PAM: variants seen among roughly 807,000 people sequenced by gnomAD.
PAM encodes peptidylglycine alpha-amidating monooxygenase.
PAM carries 72 observed loss-of-function variants against 122.1 expected under a neutral mutation model. That is an observed-to-expected ratio of 0.59 (90% CI 0.49 to 0.72). The LOEUF is 0.72. Among genes scored for constraint, PAM ranks in the 30% least tolerant of loss-of-function variants. PAM has a pLI of 0.00. For synonymous variants in PAM, 389 were observed against 404.4 expected, an observed-to-expected ratio of 0.96 and a Z score of 0.46; for missense variants, 1,106 against 1,183.7, an observed-to-expected ratio of 0.93 and a Z score of 0.96.
chr5:102,780,751 TTC>T (rs1184517447), intron 1 of PAM, among the ~76,000 whole-genome samples: 7 of 140,024 alleles, frequency 5.0e-5, no homozygotes, highest in East Asian at 2.4e-4. Flanking sequence ...TTTTCTTTCT[TTC>T]TCTTTCTTTC....
chr5:103,007,653 A>G lies in PAM; in HGVS notation c.2211A>G (p.Ile737Met), dbSNP rs555031278. ...FGRNVFAISY[I>M]PGLLFAVNGK... ...GAAATGTATTTGCAATTTCATATAT[A>G]CCAGGTATTTCATCTTAATATGTTT... The change falls in exon 20 of 26, where the codon ATA (isoleucine) becomes ATG (methionine). Residue 737 changes from isoleucine (I) to methionine (M), a missense_variant. Transcript: ENST00000438793. 103 of 1,563,282 alleles carry G rather than the reference A, an allele frequency of 6.6e-5. No individual in the cohort carries two copies. In the South Asian group the frequency reaches 1.0e-3, roughly 16 times the overall value.
At chr5:102,793,344 G>A (rs374020008) in intron 1 of PAM, among the ~76,000 whole-genome samples, 28 of 151,208 alleles carry the variant, frequency 1.9e-4, no homozygotes, top group African/African-American at 6.1e-4. Flanking sequence ...GGCAACATAG[G>A]GAGACCCCTG....
At chr5:102,900,548 G>T (rs1797517743) in intron 3 of PAM, among the ~76,000 whole-genome samples, 1 of 151,480 alleles carries the variant, frequency 6.6e-6, no homozygotes, top group Admixed American at 6.6e-5. Context: ...AATGCCAAAT[G>T]ATTTCTATCC....
chr5:102,949,787 G>T, intron 10 of PAM, 115 bp from the exon 11 acceptor site: 1 of 701,166 alleles, frequency 1.4e-6, no homozygotes, highest in Non-Finnish European at 2.5e-6. Flanking sequence ...AAGATACTCA[G>T]TCTTTGCAGC....
chr5:102,878,312 C>G (rs1345264003), intron 3 of PAM, among the ~76,000 whole-genome samples: 1 of 152,104 alleles, frequency 6.6e-6, no homozygotes, highest in African/African-American at 2.4e-5. Context: ...TTCATAACTT[C>G]ATCAGGAACA....
chr5:102,967,970 G>A (rs899014114), intron 14 of PAM, among the ~76,000 whole-genome samples: 3 of 152,088 alleles, frequency 2.0e-5, no homozygotes, highest in Admixed American at 2.0e-4. Context: ...TGATAGGCCT[G>A]TCTTGGCTTC....
rs144192480 is a variant in PAM, at chr5:102,946,934, C to T, written c.575+49C>T. ...AGGAGCAGCAACTTTAACATCTTTG[C>T]GAACTTAGAGTGGGAAGTTTACTGT... is the stretch of plus-strand genomic sequence containing the variant. On this transcript the variant is annotated intron_variant, in intron 8 of 25. Coordinates refer to ENST00000438793, the MANE Select transcript of PAM (RefSeq NM_001177306.2). The T allele has an allele frequency of 1.6e-4, 193 of 1,237,142 alleles. No individual in the cohort carries two copies. The African/African-American group carries it at 2.4e-3, about 15-fold the overall frequency. The allele number at this position is 1,237,142 out of a possible 1,614,324, so 76.6% of individuals were successfully genotyped here. A position where few individuals can be genotyped will look rare whatever the true frequency, so the allele number is the denominator to read the frequency against.
chr5:102,830,025 G>A (rs150649928), intron 1 of PAM, among the ~76,000 whole-genome samples: 2 of 152,256 alleles, frequency 1.3e-5, no homozygotes, highest in African/African-American at 4.8e-5. Context: ...CTAGCAACAC[G>A]TATAGATGTT....
At chr5:102,790,583 G>A (rs1761793415) in intron 1 of PAM, among the ~76,000 whole-genome samples, 1 of 151,994 alleles carries the variant, frequency 6.6e-6, no homozygotes, top group Non-Finnish European at 1.5e-5. Context: ...TTCTTCATAT[G>A]GTATTAGGTT....
chr5:102,763,045 C>T (rs1433680672), intron 1 of PAM, among the ~76,000 whole-genome samples: 2 of 152,116 alleles, frequency 1.3e-5, no homozygotes, highest in East Asian at 3.9e-4. Context: ...AACCTTTCAC[C>T]TAGTTACTGT....
rs115394231 is a variant in PAM, at chr5:102,864,736, T to C, written c.-373-1087T>C. Among the ~76,000 whole-genome samples, 336 of 152,302 alleles carry C rather than the reference T, an allele frequency of 2.2e-3. 1 individual carries two copies. Among genetic ancestry groups the C allele is most frequent in the African/African-American group, 7.7e-3 (320 of 41,572 alleles). On this transcript the variant is annotated intron_variant, in intron 1 of 25. Coordinates refer to ENST00000438793, the MANE Select transcript of PAM (RefSeq NM_001177306.2). The stretch of plus-strand genomic sequence containing the variant: ...TTACACATCTTCCCATCAAATTCAT[T>C]TGAGATTCTTGGAACGATGTTTATA...
intron 1 of PAM, among the ~76,000 whole-genome samples, chr5:102,804,867 T>A (rs1298752165): frequency 6.6e-6 from 1 of 152,160 alleles, no homozygotes; most frequent in Non-Finnish European, 1.5e-5. Context: ...CTCATTTGCT[T>A]CTGAATTGGC....
At chr5:102,768,469 A>G (rs1309244900) in intron 1 of PAM, among the ~76,000 whole-genome samples, 2 of 144,334 alleles carry the variant, frequency 1.4e-5, no homozygotes, top group Admixed American at 7.0e-5. Flanking sequence ...ATGCCCATTA[A>G]CCATCCCAAC....
At chr5:102,767,485 G>C (rs1754451579) in intron 1 of PAM, among the ~76,000 whole-genome samples, 1 of 152,168 alleles carries the variant, frequency 6.6e-6, no homozygotes, top group African/African-American at 2.4e-5. Context: ...TGGCTTGCCA[G>C]TTTAAAAGTT....
intron 3 of PAM, among the ~76,000 whole-genome samples, chr5:102,890,163 T>G (rs1372604769): frequency 6.6e-6 from 1 of 151,918 alleles, no homozygotes; most frequent in African/African-American, 2.4e-5. Flanking sequence ...TTTTCTTTTT[T>G]GTGCTGGTGC....
chr5:102,806,594 C>A (rs1457889435), intron 1 of PAM, among the ~76,000 whole-genome samples: 1 of 152,180 alleles, frequency 6.6e-6, no homozygotes, highest in Non-Finnish European at 1.5e-5. Context: ...TATATACACA[C>A]ATACACACAC....
At chr5:102,828,066 C>A (rs1056591363) in intron 1 of PAM, among the ~76,000 whole-genome samples, 6 of 152,084 alleles carry the variant, frequency 3.9e-5, no homozygotes, top group Admixed American at 6.6e-5. Flanking sequence ...TGGCCATGCA[C>A]GGTGGCTGAT....
At chr5:102,785,388 T>C (rs952637721) in intron 1 of PAM, among the ~76,000 whole-genome samples, 1 of 152,370 alleles carries the variant, frequency 6.6e-6, no homozygotes, top group African/African-American at 2.4e-5. Context: ...TACTTTTGTG[T>C]TTTACAAAAG....
In PAM at chr5:102,937,554, G is replaced by A. The variant is rs185924995; in HGVS notation, c.527-9283G>A. On this transcript the variant is annotated intron_variant, in intron 7 of 25. Coordinates refer to ENST00000438793, the MANE Select transcript of PAM (RefSeq NM_001177306.2). ...AAGGAGTAAGACCAATGGATGTTAT[G>A]TGTCATGTACTCATTTGTTTATAAA... Among the ~76,000 whole-genome samples the A allele has an allele frequency of 6.3e-3, 964 of 152,188 alleles. 13 individuals carry two copies. Among genetic ancestry groups the A allele is most frequent in the Non-Finnish European group, 6.9e-3 (469 of 68,014 alleles).
Sources: gnomAD v4.1 joint callset for allele counts (sites outside exome capture counted in the v4.1 genomes callset) on GRCh38, gnomAD v4.1.1 for gene constraint, MANE v1.5 for transcripts, NCBI Gene and HGNC (gene_info 2026-07-23, HGNC 2026-07-21) for gene names.